The following STOX2 variants were observed in gnomAD, a reference collection of about 807,000 sequenced individuals.
The protein encoded by STOX2 is storkhead-box protein 2.
STOX2 carries 28 observed loss-of-function variants against 60.9 expected under a neutral mutation model. The ratio of observed to expected loss-of-function variants is 0.46; its 90% CI spans 0.34 to 0.63. The LOEUF is 0.63. STOX2 is among the 30% of genes least tolerant of loss of function. The pLI is 0.01. For missense variants in STOX2, 1,024 were observed against 1,187.7 expected, an observed-to-expected ratio of 0.86 and a Z score of 2.03; for synonymous variants, 472 against 463.9, an observed-to-expected ratio of 1.02 and a Z score of -0.22.
intron 1 of STOX2, among the ~76,000 whole-genome samples, chr4:183,837,194 G>C (rs1215151801): frequency 6.6e-6 from 1 of 151,984 alleles, no homozygotes; most frequent in Non-Finnish European, 1.5e-5. Context: ...TTTAATTGTG[G>C]AAAAATATAC....
In STOX2 at chr4:183,825,495, A is replaced by G. The variant is rs1267248748; in HGVS notation, c.364+27440A>G. Among the ~76,000 whole-genome samples the G allele has an allele frequency of 6.6e-6, 1 of 152,100 alleles. No homozygotes were observed. Among genetic ancestry groups the G allele is most frequent in the Non-Finnish European group, 1.5e-5 (1 of 68,008 alleles). On this transcript the variant is annotated intron_variant, in intron 1 of 2. Coordinates refer to the STOX2 transcript ENST00000513034. The surrounding 1 kb of genome is among the most constrained non-coding windows in gnomAD (Gnocchi z 4.1). The stretch of plus-strand genomic sequence containing the variant: ...TTGCACTGGGTGGCAGGCAACCTTC[A>G]ATGGGTGAATAGACGTTCCTTCAGG...
chr4:183,891,155 G>A (rs1056822552), intron 1 of STOX2, among the ~76,000 whole-genome samples: 1 of 151,760 alleles, frequency 6.6e-6, no homozygotes. Context: ...TTTTTGAGCT[G>A]TCTAGGGGTT....
chr4:184,016,494 A>C (rs1734381694), intron 3 of STOX2: 1 of 152,258 alleles, frequency 6.6e-6, no homozygotes, highest in Non-Finnish European at 1.5e-5. Flanking sequence ...TTTATCGAAA[A>C]TATAATGTAT....
At chr4:183,862,057 T>TA (rs1740460764) in intron 1 of STOX2, among the ~76,000 whole-genome samples, 1 of 152,006 alleles carries the variant, frequency 6.6e-6, no homozygotes, top group African/African-American at 2.4e-5. Context: ...GATCCCAGGC[T>TA]CTAGACCACA....
At chr4:183,839,665 G>A (rs781388330) in intron 1 of STOX2, among the ~76,000 whole-genome samples, 6 of 152,180 alleles carry the variant, frequency 3.9e-5, no homozygotes, top group Non-Finnish European at 7.3e-5. Context: ...GCCAGAACGC[G>A]AACTGTGTCC....
Position 183,885,806 on chromosome 4 carries a change from C to CA in STOX2, c.364+87755dup, listed in dbSNP as rs1741065260. On this transcript the variant is annotated intron_variant, in intron 1 of 2. Transcript: ENST00000513034. The stretch of plus-strand genomic sequence containing the variant: ...GATAATTGACCAATAGCCAAATTCC[C>CA]AAAACCCGTGAAGGACCTTAGTCCC... Among the ~76,000 whole-genome samples the CA allele has an allele frequency of 3.9e-5, 6 of 152,322 alleles. No homozygotes were observed. In the South Asian group the frequency reaches 1.2e-3, roughly 32 times the overall value.
intron 1 of STOX2, among the ~76,000 whole-genome samples, chr4:183,805,577 G>A (rs2111094824): frequency 6.6e-6 from 1 of 152,308 alleles, no homozygotes; most frequent in South Asian, 2.1e-4. Context: ...GGATGCCTAA[G>A]TGAGGGGATC....
rs1463456330 is a variant in STOX2 at position 184,010,339 on chromosome 4, C to T, written c.1501C>T (p.Leu501=). 6.2e-7 allele frequency: 1 copy of T among 1,609,556 alleles called. No homozygotes were observed. Among genetic ancestry groups the T allele is most frequent in the South Asian group, 1.1e-5 (1 of 90,062 alleles). The change falls in exon 3 of 4, where the codon CTG becomes TTG. Residue 501 remains leucine (L), a synonymous_variant. Transcript: ENST00000308497. This position sits in a 1 kb window ranked among gnomAD's most constrained non-coding sequence, Gnocchi z 4.5. Reference sequence around the variant, plus strand: ...GTCGATGGATAACTCCAAAGGCCCTCTGGGTGCTTCTTCTCTAGGGACGCC... The same window carrying T: ...GTCGATGGATAACTCCAAAGGCCCTTTGGGTGCTTCTTCTCTAGGGACGCC... ...SRSMDNSKGP[L]GASSLGTPED...
At position 183,867,021 on chromosome 4, in the gene STOX2, CT is replaced by C. The variant is rs201416180; in HGVS notation, c.364+68976del. 1.6e-3 allele frequency among the ~76,000 whole-genome samples: 245 copies of C among 150,352 alleles called. 2 individuals carry two copies. The highest frequency in any genetic ancestry group is 2.8e-3 in the South Asian group (13 of 4,722). On this transcript the variant is annotated intron_variant, in intron 1 of 2. Coordinates refer to the STOX2 transcript ENST00000513034. Reference sequence around the variant, plus strand: ...AAAAGGTCATCTCTTGTTTATAGTTCTTTTTTTTTTCCCCCTATGAGTGGGC... The same window carrying C: ...AAAAGGTCATCTCTTGTTTATAGTTCTTTTTTTTTCCCCCTATGAGTGGGC...
chr4:183,969,404 C>G lies in STOX2; in HGVS notation c.167-31921C>G, dbSNP rs538574613. On this transcript the variant is annotated intron_variant, in intron 1 of 3. Transcript: ENST00000308497. ...ACAGTTTGATATTTGGAAACATTTA[C>G]TTTTAAAAATTAGCCTGATTTGTAT... Among the ~76,000 whole-genome samples, 13 of 152,262 alleles carry G rather than the reference C, an allele frequency of 8.5e-5. 1 individual carries two copies. In the South Asian group the frequency reaches 2.7e-3, roughly 32 times the overall value.
At chr4:183,863,002 C>A (rs114717065) in intron 1 of STOX2, among the ~76,000 whole-genome samples, 1,916 of 152,296 alleles carry the variant, frequency 0.013, 46 homozygotes, top group African/African-American at 0.044. Context: ...ACCAATCTCA[C>A]TGGGGATGTT....
intron 1 of STOX2, among the ~76,000 whole-genome samples, chr4:183,947,589 T>C (rs1377123626): frequency 1.3e-5 from 2 of 152,230 alleles, no homozygotes; most frequent in African/African-American, 4.8e-5. Context: ...CATCATTGCC[T>C]TGCTGGGAGG....
chr4:183,915,167 T>C (rs1189117534), intron 1 of STOX2, among the ~76,000 whole-genome samples: 1 of 152,220 alleles, frequency 6.6e-6, no homozygotes, highest in East Asian at 1.9e-4. Flanking sequence ...ATTTGGCAGA[T>C]GCCTGTGGGC....
intron 1 of STOX2, among the ~76,000 whole-genome samples, chr4:183,859,789 G>A (rs1308427137): frequency 3.3e-5 from 5 of 152,326 alleles, no homozygotes; most frequent in African/African-American, 4.8e-5. Flanking sequence ...TGATCTTACC[G>A]AACTGAATGG....
At position 183,825,125 on chromosome 4, in the gene STOX2, C is replaced by CAG. The variant is rs1389971522; in HGVS notation, c.364+27073_364+27074dup. Among the ~76,000 whole-genome samples, 1 of 152,172 alleles carries CAG rather than the reference C, an allele frequency of 6.6e-6. No homozygotes were observed. Among genetic ancestry groups the CAG allele is most frequent in the Non-Finnish European group, 1.5e-5 (1 of 68,036 alleles). On this transcript the variant is annotated intron_variant, in intron 1 of 2. Coordinates refer to the STOX2 transcript ENST00000513034. The surrounding 1 kb of genome is among the most constrained non-coding windows in gnomAD (Gnocchi z 4.1). ...ATCAAAGACACTTGCTGAAAAGAGG[C>CAG]AGAGCTAGGACTGAGCATCCAAGGT...
At chr4:183,860,789 C>A (rs1306001193) in intron 1 of STOX2, among the ~76,000 whole-genome samples, 1 of 152,036 alleles carries the variant, frequency 6.6e-6, no homozygotes, top group African/African-American at 2.4e-5. Context: ...TATGAAAAAC[C>A]CCCTGTATGA....
chr4:183,808,799 G>T (rs1401596808), intron 1 of STOX2, among the ~76,000 whole-genome samples: 1 of 152,090 alleles, frequency 6.6e-6, no homozygotes, highest in Non-Finnish European at 1.5e-5. Context: ...TAGATCAGGG[G>T]TGTCCAATCT....
intron 1 of STOX2, among the ~76,000 whole-genome samples, chr4:183,874,742 C>T (rs944100384): frequency 4.7e-5 from 7 of 150,220 alleles, no homozygotes; most frequent in Non-Finnish European, 8.9e-5. Flanking sequence ...CTGGCTAACA[C>T]GGTGAAACCC....
At chr4:183,870,009 C>A (rs1272645928) in intron 1 of STOX2, among the ~76,000 whole-genome samples, 1 of 152,144 alleles carries the variant, frequency 6.6e-6, no homozygotes, top group Non-Finnish European at 1.5e-5. Context: ...TTGTTTATGG[C>A]CTGATTGATT....
Sources: allele counts gnomAD v4.1 joint callset (sites outside exome capture counted in the v4.1 genomes callset), GRCh38; gene constraint gnomAD v4.1.1; non-coding constraint Gnocchi (gnomAD v3.1); transcripts MANE v1.5; gene names NCBI Gene and HGNC (gene_info 2026-07-23, HGNC 2026-07-21).